The following HSPA5 variants were observed in gnomAD, a reference collection of about 807,000 sequenced individuals.
HSPA5 encodes the protein heat shock protein family A (Hsp70) member 5, also known as endoplasmic reticulum chaperone BiP.
Under a neutral mutation model 49.5 loss-of-function variants are expected in HSPA5, and 16 were observed. That is an observed-to-expected ratio of 0.32 (90% CI 0.22 to 0.49). HSPA5 has a LOEUF of 0.49. Among genes scored for constraint, HSPA5 ranks in the 20% least tolerant of loss-of-function variants. HSPA5 has a pLI of 0.99. For synonymous variants in HSPA5, 271 were observed against 307.2 expected (o/e 0.88, Z 1.23); for missense variants, 376 against 819.0 (o/e 0.46, Z 6.60).
In HSPA5 at chr9:125,240,072, T is replaced by C; in HGVS notation, c.492+100A>G. 2 of 849,308 alleles carry C rather than the reference T, an allele frequency of 2.4e-6. No homozygotes were observed. 52.6% of individuals were successfully genotyped at this position (849,308 alleles called of 1,614,324 possible). ...CTGACAAGCATGAATACCATTCTGA[T>C]TAAAATTTTTGAAACCCTTCACGAA... On this transcript the variant is annotated intron_variant, in intron 3 of 7. Coordinates refer to ENST00000324460, the MANE Select transcript of HSPA5 (RefSeq NM_005347.5). This position sits in a 1 kb window ranked among gnomAD's most constrained non-coding sequence, Gnocchi z 4.4.
At chr9:125,237,365 G>A (rs753217117) in intron 7 of HSPA5, among the ~76,000 whole-genome samples, 8 of 152,150 alleles carry the variant, frequency 5.3e-5, no homozygotes, top group African/African-American at 7.2e-5. Context: ...AAAGTACTGT[G>A]AACTCCTTTT....
chr9:125,240,907 G>T lies in HSPA5; in HGVS notation c.123C>A (p.Cys41Ter), dbSNP rs1335155867. Residue 41 changes from cysteine to a stop codon, truncating the protein, a stop_gained and splice_region_variant, in exon 2 of 8, where the codon TGC becomes TGA. Transcript: ENST00000324460. LOFTEE classifies it high-confidence loss of function. This position sits in a 1 kb window ranked among gnomAD's most constrained non-coding sequence, Gnocchi z 4.4. ...CGCGGCCGTTCTTGAACACGCCGACGCTGGCAGAAAAACCCGACAGAGGGA... is the reference window on the plus strand; with the variant it reads ...CGCGGCCGTTCTTGAACACGCCGACTCTGGCAGAAAAACCCGACAGAGGGA... ...VGIDLGTTYS[C>*]VGVFKNGRVE... 6.2e-7 allele frequency: 1 copy of T among 1,613,852 alleles called. No homozygotes were observed. The highest frequency in any genetic ancestry group is 8.5e-7 in the Non-Finnish European group (1 of 1,179,706).
At chr9:125,237,739 A>C (rs1832515383) in intron 7 of HSPA5, among the ~76,000 whole-genome samples, 1 of 152,124 alleles carries the variant, frequency 6.6e-6, no homozygotes, top group East Asian at 1.9e-4. Flanking sequence ...CCTCCATCTG[A>C]AAACAGCAGT....
At position 125,236,501 on chromosome 9, in the gene HSPA5, T is replaced by C. The variant is rs1832497098; in HGVS notation, c.*91A>G. The C allele has an allele frequency of 7.6e-6, 7 of 916,594 alleles. No individual in the cohort carries two copies. Among genetic ancestry groups the C allele is most frequent in the Admixed American group, 3.0e-5 (1 of 32,906 alleles). 56.8% of individuals were successfully genotyped at this position (916,594 alleles called of 1,614,324 possible). The stretch of plus-strand genomic sequence containing the variant: ...CTCCACTCTGAGGTGAAGATTCCAA[T>C]TACATTCGAGACTTAAGTTCTTTCA... On this transcript the variant is annotated 3_prime_UTR_variant, in exon 8 of 8. Transcript: ENST00000324460.
Position 125,238,626 on chromosome 9 carries a change from C to G in HSPA5, c.1198G>C (p.Val400Leu). The G allele has an allele frequency of 6.2e-7, 1 of 1,614,160 alleles. No homozygotes were observed. The highest frequency in any genetic ancestry group is 8.5e-7 in the Non-Finnish European group (1 of 1,180,016). The change falls in exon 6 of 8, where the codon GTC (valine) becomes CTC (leucine). Residue 400 changes from valine to leucine, a missense_variant. By Grantham distance (32) the Val-to-Leu change is conservative. Coordinates refer to ENST00000324460, the MANE Select transcript of HSPA5 (RefSeq NM_005347.5). The part of the protein sequence containing the change: ...PDEAVAYGAA[V>L]QAGVLSGDQD... Reference sequence around the variant, plus strand: ...TCACCAGAGAGCACACCAGCCTGGACAGCAGCACCATACGCTACAGCTTCA... The same window carrying G: ...TCACCAGAGAGCACACCAGCCTGGAGAGCAGCACCATACGCTACAGCTTCA...
Position 125,238,966 on chromosome 9 carries a change from C to T in HSPA5, c.971G>A (p.Arg324Gln), listed in dbSNP as rs762582529. 6 of 1,611,012 alleles carry T rather than the reference C, an allele frequency of 3.7e-6. No individual in the cohort carries two copies. The highest frequency in any genetic ancestry group is 1.1e-5 in the South Asian group (1 of 90,678). The change falls in exon 5 of 8, where the codon CGG (arginine) becomes CAG (glutamine). Residue 324 changes from arginine to glutamine, a missense_variant. Physicochemically the swap from Arg to Gln is conservative, Grantham distance 43. This residue lies in a region of HSPA5 where 89 missense variants were observed against 155.9 expected (regional missense o/e 0.57). Transcript: ENST00000324460. ...CATGTTGAGCTCTTCAAATTTGGCC[C>T]GAGTCAGGGTCTCAGAAAAGTCTTC... ...EGEDFSETLT[R>Q]AKFEELNMDL...
rs763149679 is a variant in HSPA5, at chr9:125,240,847, G to A, written c.183C>T (p.Ile61=). Residue 61 remains isoleucine, a synonymous_variant, in exon 2 of 8, where the codon ATC becomes ATT. Transcript: ENST00000324460. This position sits in a 1 kb window ranked among gnomAD's most constrained non-coding sequence, Gnocchi z 4.4. Reference sequence around the variant, plus strand: ...GAGTGAAGGCGACATAGGACGGCGTGATGCGGTTGCCCTGATCGTTGGCGA... The same window carrying A: ...GAGTGAAGGCGACATAGGACGGCGTAATGCGGTTGCCCTGATCGTTGGCGA... ...EIIANDQGNR[I]TPSYVAFTPE... is the part of the protein sequence containing the mutation. 8 of 1,614,140 alleles carry A rather than the reference G, an allele frequency of 5.0e-6. No homozygotes were observed. In the African/African-American group the frequency reaches 9.3e-5, roughly 19 times the overall value.
In HSPA5 at chr9:125,240,569, G is replaced by T; in HGVS notation, c.354+107C>A. On this transcript the variant is annotated intron_variant, in intron 2 of 7. Transcript: ENST00000324460. The surrounding 1 kb of genome is among the most constrained non-coding windows in gnomAD (Gnocchi z 4.4). ...GTATTAAAGTTATTACATACATCAT[G>T]TCTATAACCTTCAACTGTTGTCTCA... 1.1e-6 allele frequency: 1 copy of T among 913,352 alleles called. No individual in the cohort carries two copies. The highest frequency in any genetic ancestry group is 1.7e-6 in the Non-Finnish European group (1 of 578,206). The allele number at this position is 913,352 out of a possible 1,614,324, so 56.6% of individuals were successfully genotyped here.
At position 125,236,652 on chromosome 9, in the gene HSPA5, A is replaced by G. The variant is rs370345641; in HGVS notation, c.1905T>C (p.Tyr635=). ...CAGTTGGGGGAGGGCCTGCACTTCC[A>G]TAGAGTTTGCTGATAATTGGTTGAA... ...EIVQPIISKL[Y]GSAGPPPTGE... is the part of the protein sequence containing the mutation. The change falls in exon 8 of 8, where the codon TAT becomes TAC. Residue 635 remains tyrosine (Y), a synonymous_variant. Coordinates refer to ENST00000324460, the MANE Select transcript of HSPA5 (RefSeq NM_005347.5). 1 of 1,613,396 alleles carries G rather than the reference A, an allele frequency of 6.2e-7. No individual in the cohort carries two copies. Among genetic ancestry groups the G allele is most frequent in the Non-Finnish European group, 8.5e-7 (1 of 1,179,746 alleles).
chr9:125,240,579 T>C lies in HSPA5; in HGVS notation c.354+97A>G, dbSNP rs567581569. The C allele has an allele frequency of 1.1e-5, 11 of 1,016,584 alleles. No individual in the cohort carries two copies. Among genetic ancestry groups the C allele is most frequent in the Middle Eastern group, 2.1e-4 (1 of 4,690 alleles). The allele number at this position is 1,016,584 out of a possible 1,614,324, so 63.0% of individuals were successfully genotyped here. A position where few individuals can be genotyped will look rare whatever the true frequency, so the allele number is the denominator to read the frequency against. ...TATTACATACATCATGTCTATAACC[T>C]TCAACTGTTGTCTCAACACTTTTCC... On this transcript the variant is annotated intron_variant, in intron 2 of 7. Transcript: ENST00000324460. The surrounding 1 kb of genome is among the most constrained non-coding windows in gnomAD (Gnocchi z 4.4).
In HSPA5 at chr9:125,236,755, T is replaced by A. The variant is rs143920039; in HGVS notation, c.1802A>T (p.Lys601Met). Residue 601 changes from lysine (K) to methionine (M), a missense_variant, in exon 8 of 8, where the codon AAG becomes ATG. Lys to Met is a moderately conservative substitution (Grantham distance 95). Coordinates refer to ENST00000324460, the MANE Select transcript of HSPA5 (RefSeq NM_005347.5). ...KETMEKAVEE[K>M]IEWLESHQDA... ...TTGGTGGCTTTCCAGCCATTCAATC[T>A]TTTCTTCTACAGCTTTTTCCATGGT... 812 of 1,613,744 alleles carry A rather than the reference T, an allele frequency of 5.0e-4. 12 individuals carry two copies. The East Asian group carries it at 0.017, about 34-fold the overall frequency.
Position 125,240,886 on chromosome 9 carries a change from G to A in HSPA5, c.144C>T (p.Gly48=). 24 of 1,614,186 alleles carry A rather than the reference G, an allele frequency of 1.5e-5. No individual in the cohort carries two copies. The highest frequency in any genetic ancestry group is 2.7e-5 in the African/African-American group (2 of 75,070). ...GATCGTTGGCGATGATCTCCACGCG[G>A]CCGTTCTTGAACACGCCGACGCTGG... The part of the protein sequence containing the change: ...TYSCVGVFKN[G]RVEIIANDQG... The change falls in exon 2 of 8, where the codon GGC becomes GGT. Residue 48 remains glycine, a synonymous_variant. Transcript: ENST00000324460. The surrounding 1 kb of genome is among the most constrained non-coding windows in gnomAD (Gnocchi z 4.4).
chr9:125,237,169 C>T lies in HSPA5; in HGVS notation c.1403-15G>A. On this transcript the variant is annotated splice_polypyrimidine_tract_variant and intron_variant, in intron 7 of 7. Coordinates refer to ENST00000324460, the MANE Select transcript of HSPA5 (RefSeq NM_005347.5). ...GGGTCTTTCACCTAGAAGTTACATA[C>T]AGAAAAACTTGTTAGTTGTTACTGA... is the stretch of plus-strand genomic sequence containing the variant. The T allele has an allele frequency of 6.3e-7, 1 of 1,575,264 alleles. No homozygotes were observed. The highest frequency in any genetic ancestry group is 8.6e-7 in the Non-Finnish European group (1 of 1,156,688).
rs1204297058 is a variant in HSPA5, at chr9:125,236,250, A to G, written c.*342T>C. 1 of 233,110 alleles carries G rather than the reference A, an allele frequency of 4.3e-6. No individual in the cohort carries two copies. The highest frequency in any genetic ancestry group is 9.7e-5 in the East Asian group (1 of 10,350). 14.4% of individuals were successfully genotyped at this position (233,110 alleles called of 1,614,324 possible). On this transcript the variant is annotated 3_prime_UTR_variant, in exon 8 of 8. Transcript: ENST00000324460. ...TCTCACAAACATTAGACCAGTGTAA[A>G]TAACAAACATTTATTGGTGTCACTT...
Position 125,240,683 on chromosome 9 carries a change from G to A in HSPA5, c.347C>T (p.Pro116Leu). The change falls in exon 2 of 8, where the codon CCG becomes CTG. Residue 116 changes from proline (P) to leucine (L), a missense_variant. Physicochemically the swap from Pro to Leu is moderately conservative, Grantham distance 98. Transcript: ENST00000324460. This position sits in a 1 kb window ranked among gnomAD's most constrained non-coding sequence, Gnocchi z 4.4. ...AGAAAAACCCGGTCGAACCTTGAAC[G>A]GCAAGAACTTGATGTCCTGCTGCAC... The part of the protein sequence containing the change: ...PSVQQDIKFL[P>L]FKVVEKKTKP... The A allele has an allele frequency of 6.2e-7, 1 of 1,611,252 alleles. No individual in the cohort carries two copies. Among genetic ancestry groups the A allele is most frequent in the Non-Finnish European group, 8.5e-7 (1 of 1,177,628 alleles).
rs1484611288 is a variant in HSPA5, at chr9:125,240,981, C to G, written c.122+24G>C. 9.9e-6 allele frequency: 16 copies of G among 1,611,796 alleles called. No individual in the cohort carries two copies. Among genetic ancestry groups the G allele is most frequent in the Non-Finnish European group, 1.4e-5 (16 of 1,178,606 alleles). ...CAGGCCAGGCGGCCACGCCCCGTCC[C>G]CCTGCATCCGCAACCCCACTTACCA... On this transcript the variant is annotated intron_variant, in intron 1 of 7. Transcript: ENST00000324460. The surrounding 1 kb of genome is among the most constrained non-coding windows in gnomAD (Gnocchi z 4.4).
rs1832532761 is a variant in HSPA5, at chr9:125,239,143, T to C, written c.794A>G (p.His265Arg). ...GEDFDQRVMEHFIKLYKKKTG... is the reference protein window; with the variant it reads ...GEDFDQRVMERFIKLYKKKTG... ...CTTCTTTTTGTACAGTTTGATGAAG[T>C]GTTCCATGACACGCTGGTCAAAGTC... Residue 265 changes from histidine (H) to arginine (R), a missense_variant, in exon 5 of 8, where the codon CAC becomes CGC. His to Arg is a conservative substitution (Grantham distance 29). Coordinates refer to ENST00000324460, the MANE Select transcript of HSPA5 (RefSeq NM_005347.5). The surrounding 1 kb of genome is among the most constrained non-coding windows in gnomAD (Gnocchi z 5.5). The C allele has an allele frequency of 6.2e-7, 1 of 1,614,108 alleles. No individual in the cohort carries two copies. Among genetic ancestry groups the C allele is most frequent in the Non-Finnish European group, 8.5e-7 (1 of 1,180,024 alleles).
rs1832532149 is a variant in HSPA5 at position 125,239,092 on chromosome 9, T to C, written c.845A>G (p.Asn282Ser). The C allele has an allele frequency of 6.2e-7, 1 of 1,614,096 alleles. No individual in the cohort carries two copies. The highest frequency in any genetic ancestry group is 1.3e-5 in the African/African-American group (1 of 74,944). Reference protein sequence around the residue: ...KKTGKDVRKDNRAVQKLRREV... With the variant: ...KKTGKDVRKDSRAVQKLRREV... ...GCGCCGGAGTTTCTGCACAGCTCTATTGTCTTTCCTGACATCTTTGCCCGT... is the reference window on the plus strand; with the variant it reads ...GCGCCGGAGTTTCTGCACAGCTCTACTGTCTTTCCTGACATCTTTGCCCGT... Residue 282 changes from asparagine to serine, a missense_variant, in exon 5 of 8, where the codon AAT becomes AGT. By Grantham distance (46) the Asn-to-Ser change is conservative. Coordinates refer to ENST00000324460, the MANE Select transcript of HSPA5 (RefSeq NM_005347.5). This position sits in a 1 kb window ranked among gnomAD's most constrained non-coding sequence, Gnocchi z 5.5.
In HSPA5 at chr9:125,241,130, G is replaced by C; in HGVS notation, c.-4C>G. ...CGGCCACCAGGGAGAGCTTCATCTTGCCAGCCAGTTGGGCAGCAGCAGGCA... is the reference window on the plus strand; with the variant it reads ...CGGCCACCAGGGAGAGCTTCATCTTCCCAGCCAGTTGGGCAGCAGCAGGCA... On this transcript the variant is annotated 5_prime_UTR_variant, in exon 1 of 8. Transcript: ENST00000324460. The C allele has an allele frequency of 6.2e-7, 1 of 1,609,958 alleles. No homozygotes were observed. The highest frequency in any genetic ancestry group is 8.5e-7 in the Non-Finnish European group (1 of 1,178,614).
Sources: gnomAD v4.1 joint callset for allele counts (sites outside exome capture counted in the v4.1 genomes callset) on GRCh38, gnomAD v4.1.1 for gene constraint, gnomAD v4.1.1 regional missense constraint, Gnocchi (gnomAD v3.1) non-coding constraint, MANE v1.5 for transcripts, NCBI Gene and HGNC (gene_info 2026-07-23, HGNC 2026-07-21) for gene names.